CACNG6: variants seen among roughly 807,000 people sequenced by gnomAD.
The protein encoded by CACNG6 is voltage-dependent calcium channel gamma-6 subunit.
Under a neutral mutation model 23.9 loss-of-function variants are expected in CACNG6, and 21 were observed. The observed-to-expected ratio is 0.88, with a 90% CI of 0.62 to 1.26. The LOEUF (loss-of-function observed/expected upper bound fraction) is 1.26, where lower values mean the gene tolerates loss of function less well. Among genes scored for constraint, CACNG6 ranks in the 50% most tolerant of loss-of-function variants. CACNG6 has a pLI of 0.00. For missense variants in CACNG6, 340 were observed against 352.9 expected (o/e 0.96, Z 0.29); for synonymous variants, 182 against 168.9 (o/e 1.08, Z -0.60).
Position 54,011,941 on chromosome 19 carries a change from T to C in CACNG6, c.545-10T>C, listed in dbSNP as rs1411201415. 2 of 1,478,144 alleles carry C rather than the reference T, an allele frequency of 1.4e-6. No homozygotes were observed. The highest frequency in any genetic ancestry group is 1.8e-6 in the Non-Finnish European group (2 of 1,112,734). The allele number at this position is 1,478,144 out of a possible 1,614,324, so 91.6% of individuals were successfully genotyped here. A position where few individuals can be genotyped will look rare whatever the true frequency, so the allele number is the denominator to read the frequency against. On this transcript the variant is annotated splice_polypyrimidine_tract_variant and intron_variant, in intron 3 of 3. Transcript: ENST00000252729. The stretch of plus-strand genomic sequence containing the variant: ...GGGCGTCTGACTGCGAGCTGTCCTC[T>C]CTCCCGCAGGCCTGCTGCTCTTGGT...
At chr19:54,011,272 C>T (rs1428844593) in intron 3 of CACNG6, among the ~76,000 whole-genome samples, 3 of 143,554 alleles carry the variant, frequency 2.1e-5, no homozygotes, top group African/African-American at 7.9e-5. Context: ...TGGTAGCGCA[C>T]GTGTGTAATC....
At position 53,991,968 on chromosome 19, in the gene CACNG6, C is replaced by A. The variant is rs924833877; in HGVS notation, c.-910C>A. Among the ~76,000 whole-genome samples the A allele has an allele frequency of 1.3e-5, 2 of 152,090 alleles. No individual in the cohort carries two copies. Among genetic ancestry groups the A allele is most frequent in the African/African-American group, 4.8e-5 (2 of 41,356 alleles). ...ATAGTGTGAGCCCCAGGAGGGCCCCCGGTCCCATCTGCCCCAGCCCTCGGG... is the reference window on the plus strand; with the variant it reads ...ATAGTGTGAGCCCCAGGAGGGCCCCAGGTCCCATCTGCCCCAGCCCTCGGG... On this transcript the variant is annotated 5_prime_UTR_variant, in exon 1 of 4. Transcript: ENST00000252729.
At chr19:54,011,205 A>AAAAAAAAAAAAATATATATATATAT (rs58054808) in intron 3 of CACNG6, among the ~76,000 whole-genome samples, 1 of 102,546 alleles carries the variant, frequency 9.8e-6, no homozygotes, top group African/African-American at 5.0e-5. Context: ...AAAAAAAAAA[A>AAAAAAAAAAAAATATATATATATAT]ATATATATAT....
chr19:53,994,461 G>A, intron 1 of CACNG6, among the ~76,000 whole-genome samples: 1 of 152,060 alleles, frequency 6.6e-6, no homozygotes, highest in East Asian at 1.9e-4. Context: ...CCACGCCACG[G>A]CTTGTGCTTA....
chr19:53,992,849 T>C lies in CACNG6; in HGVS notation c.-29T>C. On this transcript the variant is annotated 5_prime_UTR_variant, in exon 1 of 4. Coordinates refer to ENST00000252729, the MANE Select transcript of CACNG6 (RefSeq NM_145814.2). The surrounding 1 kb of genome is among the most constrained non-coding windows in gnomAD (Gnocchi z 4.1). ...GAGGCCCTTCGCCGGCTCTGCCTCC[T>C]CCCCCTTCCCGACCCCACCGGCCAT... 7.4e-7 allele frequency: 1 copy of C among 1,357,352 alleles called. No individual in the cohort carries two copies. 84.1% of individuals were successfully genotyped at this position (1,357,352 alleles called of 1,614,324 possible). A position where few individuals can be genotyped will look rare whatever the true frequency, so the allele number is the denominator to read the frequency against.
Position 53,993,002 on chromosome 19 carries a change from CGCTGCT to C in CACNG6, c.130_135del (p.Leu44_Leu45del). On this transcript the variant is annotated inframe_deletion, in exon 1 of 4. Coordinates refer to ENST00000252729, the MANE Select transcript of CACNG6 (RefSeq NM_145814.2). Reference sequence around the variant, plus strand: ...GAGCGCGAGGGGAAGGTGAAGCTGGCGCTGCTGCTGGCCGCCGTGGGCGCCACGCTG... The same window carrying C: ...GAGCGCGAGGGGAAGGTGAAGCTGGCGCTGGCCGCCGTGGGCGCCACGCTG... The C allele has an allele frequency of 6.9e-7, 1 of 1,454,968 alleles. No homozygotes were observed. The highest frequency in any genetic ancestry group is 1.4e-5 in the South Asian group (1 of 70,212). The allele number at this position is 1,454,968 out of a possible 1,614,324, so 90.1% of individuals were successfully genotyped here. A position where few individuals can be genotyped will look rare whatever the true frequency, so the allele number is the denominator to read the frequency against.
At chr19:54,004,482 T>C (rs2069617182) in intron 3 of CACNG6, among the ~76,000 whole-genome samples, 1 of 151,532 alleles carries the variant, frequency 6.6e-6, no homozygotes, top group Admixed American at 6.6e-5. Context: ...CCTCCCAAAG[T>C]GTTGGGATTA....
At position 53,991,907 on chromosome 19, in the gene CACNG6, C is replaced by G. The variant is rs1600049345; in HGVS notation, c.-971C>G. On this transcript the variant is annotated 5_prime_UTR_variant, in exon 1 of 4. Transcript: ENST00000252729. ...CCTTTGAACCCTGGGGGGACTCAGT[C>G]CTGGTTTTCCGAGCCGCAGTGCGGA... is the stretch of plus-strand genomic sequence containing the variant. 6.6e-6 allele frequency among the ~76,000 whole-genome samples: 1 copy of G among 152,254 alleles called. No homozygotes were observed. Among genetic ancestry groups the G allele is most frequent in the Admixed American group, 6.5e-5 (1 of 15,298 alleles).
chr19:54,011,761 G>GTT (rs34372297), intron 3 of CACNG6, among the ~76,000 whole-genome samples, 190 bp from the exon 4 acceptor site: 2 of 140,258 alleles, frequency 1.4e-5, no homozygotes, highest in African/African-American at 5.3e-5. Flanking sequence ...TTTGTGTCTT[G>GTT]TTTTTTTTTT....
At position 53,999,764 on chromosome 19, in the gene CACNG6, C is replaced by T. The variant is rs1363561316; in HGVS notation, c.537C>T (p.Gly179=). The change falls in exon 3 of 4, where the codon GGC becomes GGT. Residue 179 remains glycine, a synonymous_variant. Transcript: ENST00000252729. The part of the protein sequence containing the change: ...FLLRVGAVCF[G]LSGLLLLVSL... The stretch of plus-strand genomic sequence containing the variant: ...TCCGAGTTGGAGCCGTCTGCTTTGG[C>T]CTCTCAGGTGAGGGTTCAGAGCCTG... The T allele has an allele frequency of 6.2e-7, 1 of 1,613,642 alleles. No individual in the cohort carries two copies. The highest frequency in any genetic ancestry group is 8.5e-7 in the Non-Finnish European group (1 of 1,179,962).
Position 53,998,333 on chromosome 19 carries a change from T to TGCG in CACNG6, c.406+22_406+23insGGC. On this transcript the variant is annotated intron_variant, in intron 2 of 3. Transcript: ENST00000252729. Reference sequence around the variant, plus strand: ...AGAAAGGTGAGAACTTTTCACCCCCTGCTGGGTGACAGGTGGGGGAAATGC... The same window carrying TGCG: ...AGAAAGGTGAGAACTTTTCACCCCCTGCGGCTGGGTGACAGGTGGGGGAAATGC... 1 of 1,599,892 alleles carries TGCG rather than the reference T, an allele frequency of 6.3e-7. No homozygotes were observed. Among genetic ancestry groups the TGCG allele is most frequent in the Non-Finnish European group, 8.6e-7 (1 of 1,167,206 alleles).
At chr19:54,005,222 T>TAAATA (rs1191469501) in intron 3 of CACNG6, among the ~76,000 whole-genome samples, 1 of 92,814 alleles carries the variant, frequency 1.1e-5, no homozygotes, top group Non-Finnish European at 1.9e-5. Context: ...AATAAATAAA[T>TAAATA]AAATAAATAA....
intron 2 of CACNG6, 65 bp downstream of exon 2, chr19:53,998,378 C>A: frequency 7.0e-7 from 1 of 1,434,398 alleles, no homozygotes; most frequent in Non-Finnish European, 9.8e-7. Context: ...TGGAGGAGTT[C>A]TAGAGAGAGT....
At chr19:54,001,878 A>G (rs912514455) in intron 3 of CACNG6, among the ~76,000 whole-genome samples, 2 of 152,166 alleles carry the variant, frequency 1.3e-5, no homozygotes, top group East Asian at 1.9e-4. Flanking sequence ...TGGAGTCCCA[A>G]CTTCTTAACA....
chr19:53,991,282 G>T (rs7250797), upstream of CACNG6, among the ~76,000 whole-genome samples: 1 of 151,276 alleles, frequency 6.6e-6, no homozygotes, highest in African/African-American at 2.4e-5. Context: ...CTGGCCTCAG[G>T]CCCTCCTCCC....
intron 2 of CACNG6, among the ~76,000 whole-genome samples, chr19:53,998,995 G>A (rs532139332): frequency 1.3e-5 from 2 of 152,096 alleles, no homozygotes; most frequent in East Asian, 1.9e-4. Context: ...GCAGGGTGGG[G>A]GCTTTATCTT....
At chr19:54,005,365 G>A (rs1196611562) in intron 3 of CACNG6, among the ~76,000 whole-genome samples, 1 of 151,336 alleles carries the variant, frequency 6.6e-6, no homozygotes, top group African/African-American at 2.4e-5. Context: ...TTCGAGACCA[G>A]CCTGGGCAAC....
At chr19:53,993,655 A>C (rs1355674846) in intron 1 of CACNG6, among the ~76,000 whole-genome samples, 3 of 146,198 alleles carry the variant, frequency 2.1e-5, no homozygotes, top group Non-Finnish European at 3.0e-5. Context: ...TACCCCGACT[A>C]TCCTGTACCC....
chr19:54,003,897 G>A (rs529405834), intron 3 of CACNG6, among the ~76,000 whole-genome samples: 2 of 151,634 alleles, frequency 1.3e-5, no homozygotes, highest in African/African-American at 2.4e-5. Context: ...TGGCTCTGTC[G>A]CCCAGGCTGA....
Sources: allele counts gnomAD v4.1 joint callset (sites outside exome capture counted in the v4.1 genomes callset), GRCh38; gene constraint gnomAD v4.1.1; non-coding constraint Gnocchi (gnomAD v3.1); transcripts MANE v1.5; gene names NCBI Gene and HGNC (gene_info 2026-07-23, HGNC 2026-07-21).